Variants in MTAP observed in about 807,000 individuals in gnomAD.
MTAP encodes methylthioadenosine phosphorylase.
A neutral mutation model predicts 33.6 loss-of-function variants in MTAP; 33 were observed. The ratio of observed to expected loss-of-function variants is 0.98; its 90% CI spans 0.74 to 1.31. The LOEUF (loss-of-function observed/expected upper bound fraction) is 1.31. Ranked by LOEUF, MTAP falls within the 40% of genes most tolerant of loss-of-function variation. The pLI, the probability that MTAP is intolerant of heterozygous loss-of-function variation, is 0.00. For missense variants in MTAP, 367 were observed against 360.0 expected (o/e 1.02, Z -0.16); for synonymous variants, 148 against 125.7 (o/e 1.18, Z -1.19).
At chr9:21,923,651 T>C (rs1818822929) in intron 1 of MTAP, among the ~76,000 whole-genome samples, 1 of 152,154 alleles carries the variant, frequency 6.6e-6, no homozygotes, top group Non-Finnish European at 1.5e-5. Flanking sequence ...GAACCTCTAA[T>C]ACAAAATTTT....
chr9:21,859,185 A>C lies in MTAP; in HGVS notation c.691-118A>C. The C allele has an allele frequency of 4.9e-6, 7 of 1,437,694 alleles. No homozygotes were observed. In the South Asian group the frequency reaches 8.6e-5, roughly 18 times the overall value. 89.1% of individuals were successfully genotyped at this position (1,437,694 alleles called of 1,614,324 possible). A position where few individuals can be genotyped will look rare whatever the true frequency, so the allele number is the denominator to read the frequency against. On this transcript the variant is annotated intron_variant, in intron 6 of 7. Coordinates refer to ENST00000644715, the MANE Select transcript of MTAP (RefSeq NM_002451.4). ...TACATTGAGGATTCGGTTTCAGCAG[A>C]TAAATTTGAGGGGACACAAACATTT...
intron 5 of MTAP, among the ~76,000 whole-genome samples, chr9:21,845,295 C>G (rs1419129899): frequency 6.6e-6 from 1 of 152,088 alleles, no homozygotes; most frequent in African/African-American, 2.4e-5. Context: ...AAGACTCATC[C>G]AAAAAGCTCC....
At chr9:21,832,412 CTCTT>C (rs1824990954) in intron 4 of MTAP, among the ~76,000 whole-genome samples, 1 of 152,210 alleles carries the variant, frequency 6.6e-6, no homozygotes, top group South Asian at 2.1e-4. Flanking sequence ...CTTTGTTTAG[CTCTT>C]TCTCTCATTG....
At chr9:21,804,337 A>C (rs1243569684) in intron 1 of MTAP, among the ~76,000 whole-genome samples, 1 of 152,238 alleles carries the variant, frequency 6.6e-6, no homozygotes, top group East Asian at 1.9e-4. Context: ...AAAATGGAGA[A>C]ATGGTGTTTA....
chr9:21,859,224 G>A (rs927255389), intron 6 of MTAP, 79 bp from the exon 7 acceptor site: 2 of 1,533,048 alleles, frequency 1.3e-6, no homozygotes, highest in Non-Finnish European at 1.7e-6. Flanking sequence ...CTGTAGCAAG[G>A]CTGGAGCTCA....
At chr9:21,868,326 A>G (rs751096195), downstream of MTAP, among the ~76,000 whole-genome samples, 4 of 152,208 alleles carry the variant, frequency 2.6e-5, no homozygotes, top group Non-Finnish European at 4.4e-5. Flanking sequence ...TCTGGGCACA[A>G]TGCTTTCAGG....
intron 4 of MTAP, among the ~76,000 whole-genome samples, chr9:21,829,036 A>G (rs1824895359): frequency 6.6e-6 from 1 of 152,246 alleles, no homozygotes; most frequent in Non-Finnish European, 1.5e-5. Flanking sequence ...ATCTCATAGC[A>G]GAAGATGCCT....
chr9:21,893,512 C>G (rs981387538), intron 1 of MTAP: 2 of 151,790 alleles, frequency 1.3e-5, no homozygotes, highest in Non-Finnish European at 1.5e-5. Flanking sequence ...GCTTGCTAGA[C>G]TTACAAAAAA....
chr9:21,878,322 G>A (rs1284509612), intron 1 of MTAP, among the ~76,000 whole-genome samples: 1 of 151,850 alleles, frequency 6.6e-6, no homozygotes, highest in Non-Finnish European at 1.5e-5. Context: ...ATATGTTGAT[G>A]GTTTGTATGT....
At chr9:21,914,334 A>T (rs184273581) in intron 1 of MTAP, among the ~76,000 whole-genome samples, 39 of 152,270 alleles carry the variant, frequency 2.6e-4, no homozygotes, top group Admixed American at 2.4e-3. Flanking sequence ...ATGCACACAT[A>T]TGTTTATTGT....
intron 5 of MTAP, among the ~76,000 whole-genome samples, chr9:21,854,348 A>G (rs544911100): frequency 3.6e-4 from 55 of 152,334 alleles, no homozygotes; most frequent in Non-Finnish European, 6.5e-4. Context: ...TAAAGCATAT[A>G]AACAAATGCC....
chr9:21,839,458 C>G (rs1209815863), intron 5 of MTAP, among the ~76,000 whole-genome samples: 1 of 152,070 alleles, frequency 6.6e-6, no homozygotes, highest in Admixed American at 6.6e-5. Context: ...ACTTGGGGAA[C>G]TAGGAGTAGA....
downstream of MTAP, among the ~76,000 whole-genome samples, chr9:21,868,673 A>G (rs771941259): frequency 6.6e-6 from 1 of 152,116 alleles, no homozygotes; most frequent in Non-Finnish European, 1.5e-5. Flanking sequence ...ACACCTCCCC[A>G]TGTTCACTTT....
intron 1 of MTAP, among the ~76,000 whole-genome samples, chr9:21,917,684 G>C (rs1262008076): frequency 1.3e-5 from 2 of 152,164 alleles, no homozygotes; most frequent in East Asian, 3.9e-4. Flanking sequence ...GTAATATGCA[G>C]ATTCCTTAAA....
chr9:21,819,468 A>G (rs181069126), intron 4 of MTAP, among the ~76,000 whole-genome samples: 1 of 152,220 alleles, frequency 6.6e-6, no homozygotes, highest in Non-Finnish European at 1.5e-5. Flanking sequence ...AAGGACAGGA[A>G]CTAATCCCTT....
chr9:21,843,395 A>G (rs545934224), intron 5 of MTAP, among the ~76,000 whole-genome samples: 3 of 152,306 alleles, frequency 2.0e-5, no homozygotes, highest in South Asian at 2.1e-4. Context: ...GACTTAAACT[A>G]TAACCTAGAA....
At chr9:21,828,032 T>C (rs1213858709) in intron 4 of MTAP, among the ~76,000 whole-genome samples, 2 of 152,226 alleles carry the variant, frequency 1.3e-5, no homozygotes, top group African/African-American at 4.8e-5. Flanking sequence ...TTTACTCACA[T>C]GTCTTAAATG....
At chr9:21,861,844 G>A in intron 7 of MTAP, 132 bp from the exon 8 acceptor site, 1 of 687,884 alleles carries the variant, frequency 1.5e-6, no homozygotes, top group Non-Finnish European at 2.6e-6. Flanking sequence ...ATTTTCTGTA[G>A]AATTTATTTA....
intron 1 of MTAP, among the ~76,000 whole-genome samples, chr9:21,810,304 C>T (rs533628764): frequency 9.9e-5 from 15 of 152,282 alleles, no homozygotes; most frequent in East Asian, 5.8e-4. Flanking sequence ...CTTGTAAGGA[C>T]AACAGTTTTC....
Sources: allele counts gnomAD v4.1 joint callset (sites outside exome capture counted in the v4.1 genomes callset), GRCh38; gene constraint gnomAD v4.1.1; transcripts MANE v1.5; gene names NCBI Gene and HGNC (gene_info 2026-07-23, HGNC 2026-07-21).